The following ZNF701 variants were observed in gnomAD, a reference collection of about 807,000 sequenced individuals.
The protein encoded by ZNF701 is zinc finger protein 701.
In ZNF701, 6 loss-of-function variants were observed where a neutral mutation model predicts 7.1. The ratio of observed to expected loss-of-function variants is 0.84; its 90% CI spans 0.46 to 1.66. ZNF701 has a LOEUF of 1.66. Among genes scored for constraint, ZNF701 ranks in the 40% most tolerant of loss-of-function variants. The pLI, the probability that ZNF701 is intolerant of heterozygous loss-of-function variation, is 0.01. For missense variants in ZNF701, 541 were observed against 559.2 expected (o/e 0.97, Z 0.33); for synonymous variants, 166 against 188.2 (o/e 0.88, Z 0.97).
Position 52,583,900 on chromosome 19 carries a change from C to T in ZNF701, c.*443C>T. 2.4e-6 allele frequency: 1 copy of T among 422,336 alleles called. No individual in the cohort carries two copies. The highest frequency in any genetic ancestry group is 4.7e-6 in the Non-Finnish European group (1 of 213,398). The allele number at this position is 422,336 out of a possible 1,614,324, so 26.2% of individuals were successfully genotyped here. A position where few individuals can be genotyped will look rare whatever the true frequency, so the allele number is the denominator to read the frequency against. On this transcript the variant is annotated 3_prime_UTR_variant, in exon 4 of 4. Transcript: ENST00000391785. Reference sequence around the variant, plus strand: ...AGTGTAATAAATGTGGCAAGTTTTTCAGACATCATTCATAACTTGCAGTTC... The same window carrying T: ...AGTGTAATAAATGTGGCAAGTTTTTTAGACATCATTCATAACTTGCAGTTC...
intron 3 of ZNF701, among the ~76,000 whole-genome samples, chr19:52,580,035 G>A (rs1385512150): frequency 3.5e-5 from 5 of 142,096 alleles, no homozygotes; most frequent in South Asian, 4.2e-4. Flanking sequence ...TCCACCTCCC[G>A]GGGTCACACC....
chr19:52,590,640 T>G (rs2060033347), downstream of ZNF701, among the ~76,000 whole-genome samples: 1 of 152,174 alleles, frequency 6.6e-6, no homozygotes, highest in South Asian at 2.1e-4. Flanking sequence ...TCCCTCAGGC[T>G]GGAGGACAGT....
rs1464558331 is a variant in ZNF701, at chr19:52,584,804, G to C, written c.*1347G>C. ...CCACTGAATGTGTTGATTAGTTCCAGTAGTATTTTGGTTGACTCAGGCCCC... is the reference window on the plus strand; with the variant it reads ...CCACTGAATGTGTTGATTAGTTCCACTAGTATTTTGGTTGACTCAGGCCCC... On this transcript the variant is annotated 3_prime_UTR_variant, in exon 4 of 4. Transcript: ENST00000391785. 2 of 152,204 alleles carry C rather than the reference G, an allele frequency of 1.3e-5. No individual in the cohort carries two copies. Among genetic ancestry groups the C allele is most frequent in the Non-Finnish European group, 2.9e-5 (2 of 68,040 alleles). The allele number at this position is 152,204 out of a possible 1,614,324, so 9.4% of individuals were successfully genotyped here.
In ZNF701 at chr19:52,576,135, G is replaced by T. The variant is rs2903845; in HGVS notation, c.142+114G>T. The T allele has an allele frequency of 1.1e-4, 180 of 1,577,034 alleles. 2 individuals are homozygous for T. The East Asian group carries it at 3.3e-3, about 29-fold the overall frequency. On this transcript the variant is annotated intron_variant, in intron 3 of 3. Transcript: ENST00000391785. ...TTGGCTAAAATGGAAGCCGTATTGA[G>T]TTAGAAATGAAAAGCTTCATGATGT...
At chr19:52,576,175 C>G (rs1201199403) in intron 3 of ZNF701, among the ~76,000 whole-genome samples, 154 bp downstream of exon 3, 1 of 152,206 alleles carries the variant, frequency 6.6e-6, no homozygotes, top group South Asian at 2.1e-4. Context: ...TCTGGACTTT[C>G]ACTGTCCCCT....
At position 52,582,135 on chromosome 19, in the gene ZNF701, TTA is replaced by T. The variant is rs2059978994; in HGVS notation, c.143-66_143-65del. On this transcript the variant is annotated intron_variant, in intron 3 of 3. Transcript: ENST00000391785. Reference sequence around the variant, plus strand: ...ATAAGTATTGTTTTTTATGTAATATTTACACATTTCAGTATTGTATAACTTCC... The same window carrying T: ...ATAAGTATTGTTTTTTATGTAATATTCACATTTCAGTATTGTATAACTTCC... 3.0e-6 allele frequency: 4 copies of T among 1,344,172 alleles called. No homozygotes were observed. The Admixed American group carries it at 1.0e-4, about 34-fold the overall frequency. The allele number at this position is 1,344,172 out of a possible 1,614,324, so 83.3% of individuals were successfully genotyped here.
In ZNF701 at chr19:52,584,091, A is replaced by G. The variant is rs1053480954; in HGVS notation, c.*634A>G. 2.1e-5 allele frequency: 9 copies of G among 423,510 alleles called. No individual in the cohort carries two copies. The East Asian group carries it at 5.3e-4, about 25-fold the overall frequency. 26.2% of individuals were successfully genotyped at this position (423,510 alleles called of 1,614,324 possible). Reference sequence around the variant, plus strand: ...TTACTTCACGTTCACACCACATTAGATATCAGAGGATCCATACTGGACAGA... The same window carrying G: ...TTACTTCACGTTCACACCACATTAGGTATCAGAGGATCCATACTGGACAGA... On this transcript the variant is annotated 3_prime_UTR_variant, in exon 4 of 4. Transcript: ENST00000391785.
chr19:52,595,524 C>T, the ZNF701 span: 2 of 490,472 alleles, frequency 4.1e-6, no homozygotes, highest in Non-Finnish European at 7.1e-6. Context: ...CCTGCCTCGT[C>T]CTCCCAAAGT....
rs115528482 is a variant in ZNF701, at chr19:52,582,682, T to A, written c.623T>A (p.Val208Glu). ...TCATTACTCACACAAAAACGGGAAG[T>A]ACACACAAGAGAAAAATCTTTCCAA... is the stretch of plus-strand genomic sequence containing the variant. ...QSSLLTQKREVHTREKSFQRN... is the reference protein window; with the variant it reads ...QSSLLTQKREEHTREKSFQRN... The change falls in exon 4 of 4, where the codon GTA becomes GAA. Residue 208 changes from valine to glutamate, a missense_variant. Physicochemically the swap from Val to Glu is moderately radical, Grantham distance 121. Coordinates refer to ENST00000391785, the MANE Select transcript of ZNF701 (RefSeq NM_018260.3). 718 of 1,614,108 alleles carry A rather than the reference T, an allele frequency of 4.4e-4. 2 individuals carry two copies. In the African/African-American group the frequency reaches 8.8e-3, roughly 20 times the overall value.
chr19:52,572,038 G>A (rs1433935918), intron 1 of ZNF701, among the ~76,000 whole-genome samples: 1 of 151,998 alleles, frequency 6.6e-6, no homozygotes, highest in African/African-American at 2.4e-5. Context: ...GGTCAGGTTG[G>A]TCTTGAACTC....
rs374755446 is a variant in ZNF701 at position 52,576,927 on chromosome 19, T to C, written c.142+906T>C. On this transcript the variant is annotated intron_variant, in intron 3 of 3. Coordinates refer to ENST00000391785, the MANE Select transcript of ZNF701 (RefSeq NM_018260.3). ...ACTCCAGATGGGTGGGAATGTATTA[T>C]AGGTGTAAATGCAGGTAAGAGCTCA... Among the ~76,000 whole-genome samples, 727 of 152,242 alleles carry C rather than the reference T, an allele frequency of 4.8e-3. 4 individuals are homozygous for C. The highest frequency in any genetic ancestry group is 0.014 in the African/African-American group (581 of 41,542).
chr19:52,572,540 C>A, intron 1 of ZNF701: 1 of 502,634 alleles, frequency 2.0e-6, no homozygotes, highest in Non-Finnish European at 3.2e-6. Flanking sequence ...TTGATAAGGC[C>A]AACCCTTTCC....
At chr19:52,574,494 T>G (rs2059920732) in intron 2 of ZNF701, among the ~76,000 whole-genome samples, 1 of 152,128 alleles carries the variant, frequency 6.6e-6, no homozygotes, top group African/African-American at 2.4e-5. Flanking sequence ...CAACTCTCTG[T>G]GGACCAGGAT....
the ZNF701 span, among the ~76,000 whole-genome samples, chr19:52,594,854 G>A: frequency 2.0e-5 from 3 of 152,160 alleles, no homozygotes; most frequent in African/African-American, 7.2e-5. Context: ...ATCTTTCACT[G>A]GCACTGTGAC....
Position 52,582,989 on chromosome 19 carries a change from A to G in ZNF701, c.930A>G (p.Gln310=), listed in dbSNP as rs142528659. 7.4e-6 allele frequency: 12 copies of G among 1,613,870 alleles called. No homozygotes were observed. Among genetic ancestry groups the G allele is most frequent in the Admixed American group, 1.7e-5 (1 of 59,968 alleles). Residue 310 remains glutamine (Q), a synonymous_variant, in exon 4 of 4, where the codon CAA becomes CAG. Coordinates refer to ENST00000391785, the MANE Select transcript of ZNF701 (RefSeq NM_018260.3). ...CNECGKVFNQ[Q]SNLARHHRVH... ...AATGTGGCAAGGTTTTTAATCAACA[A>G]TCAAACCTTGCACGTCATCATAGAG...
At chr19:52,572,474 G>A (rs2059907546) in intron 1 of ZNF701, 1 of 1,153,732 alleles carries the variant, frequency 8.7e-7, no homozygotes, top group African/African-American at 1.6e-5. Flanking sequence ...ACTTGCAAAG[G>A]AAGTTTCTTT....
chr19:52,579,286 G>T (rs1451694077), intron 3 of ZNF701, among the ~76,000 whole-genome samples: 6 of 141,488 alleles, frequency 4.2e-5, no homozygotes, highest in Admixed American at 6.8e-5. Flanking sequence ...CAGCACTTTG[G>T]GAGGCCAAGG....
Position 52,583,282 on chromosome 19 carries a change from A to C in ZNF701, c.1223A>C (p.Lys408Thr). The C allele has an allele frequency of 6.2e-7, 1 of 1,613,940 alleles. No homozygotes were observed. The highest frequency in any genetic ancestry group is 1.1e-5 in the South Asian group (1 of 91,072). ...VMHKVIHTGE[K>T]RYKCNECGKV... ...CATAAGGTCATTCATACTGGAGAGA[A>C]ACGTTACAAGTGTAATGAATGTGGC... The change falls in exon 4 of 4, where the codon AAA (lysine) becomes ACA (threonine). Residue 408 changes from lysine to threonine, a missense_variant. Coordinates refer to ENST00000391785, the MANE Select transcript of ZNF701 (RefSeq NM_018260.3).
downstream of ZNF701, among the ~76,000 whole-genome samples, chr19:52,591,705 GCCA>G (rs1329266496): frequency 6.6e-6 from 1 of 152,128 alleles, no homozygotes; most frequent in Admixed American, 6.5e-5. Flanking sequence ...ACAGGCAGGT[GCCA>G]CCACGCCCAG....
Sources: allele counts gnomAD v4.1 joint callset (sites outside exome capture counted in the v4.1 genomes callset), GRCh38; gene constraint gnomAD v4.1.1; transcripts MANE v1.5; gene names NCBI Gene and HGNC (gene_info 2026-07-23, HGNC 2026-07-21).